The following SCML4 variants were observed in gnomAD, a reference collection of about 807,000 sequenced individuals.
SCML4 encodes the protein sex comb on midleg-like protein 4.
SCML4 carries 34 observed loss-of-function variants against 41.1 expected under a neutral mutation model. The observed-to-expected ratio is 0.83, with a 90% CI of 0.63 to 1.10. The LOEUF (loss-of-function observed/expected upper bound fraction) is 1.10. Ranked by LOEUF, SCML4 falls within the 50% of genes least tolerant of loss-of-function variation. The pLI is 0.00. For missense variants in SCML4, 522 were observed against 534.1 expected (o/e 0.98, Z 0.22); for synonymous variants, 214 against 220.9 (o/e 0.97, Z 0.28).
chr6:107,833,005 A>T, the SCML4 span, among the ~76,000 whole-genome samples: 1 of 152,214 alleles, frequency 6.6e-6, no homozygotes, highest in Non-Finnish European at 1.5e-5. Flanking sequence ...AAAGATTATG[A>T]AAGTGAGTCT....
chr6:107,754,335 GA>G (rs1050361313), intron 2 of SCML4, among the ~76,000 whole-genome samples: 1 of 152,224 alleles, frequency 6.6e-6, no homozygotes, highest in African/African-American at 2.4e-5. Flanking sequence ...ATGGGAATGG[GA>G]GATCATAAAC....
intron 2 of SCML4, among the ~76,000 whole-genome samples, chr6:107,750,732 T>C (rs1442276350): frequency 6.6e-6 from 1 of 152,182 alleles, no homozygotes; most frequent in African/African-American, 2.4e-5. Flanking sequence ...ATTTTTGCAA[T>C]CAACCTTCTA....
intron 1 of SCML4, among the ~76,000 whole-genome samples, chr6:107,814,929 G>C (rs1288317410): frequency 3.3e-5 from 5 of 152,182 alleles, no homozygotes; most frequent in South Asian, 2.1e-4. Flanking sequence ...ACACATGATA[G>C]AAAGGGTCTT....
the SCML4 span, among the ~76,000 whole-genome samples, chr6:107,836,240 T>C: frequency 1.1e-3 from 174 of 152,278 alleles, 1 homozygote; most frequent in Non-Finnish European, 1.6e-3. Flanking sequence ...AAGAGTTCTA[T>C]TGAGTTCTCA....
At chr6:107,783,730 A>C (rs1254866433) in intron 1 of SCML4, among the ~76,000 whole-genome samples, 1 of 151,736 alleles carries the variant, frequency 6.6e-6, no homozygotes, top group Non-Finnish European at 1.5e-5. Flanking sequence ...GCCTGATGGC[A>C]GGTGCTGGTC....
chr6:107,769,921 A>T (rs1037476078), intron 2 of SCML4, among the ~76,000 whole-genome samples: 19 of 152,234 alleles, frequency 1.2e-4, no homozygotes, highest in African/African-American at 4.6e-4. Flanking sequence ...GCATTTTCTT[A>T]GCAATGAAAT....
chr6:107,809,072 A>G (rs1157311349), intron 1 of SCML4, among the ~76,000 whole-genome samples: 1 of 151,050 alleles, frequency 6.6e-6, no homozygotes, highest in Non-Finnish European at 1.5e-5. Context: ...ATGAGAGCAG[A>G]TCCCTTAGTG....
At chr6:107,751,206 G>T (rs1000212740) in intron 2 of SCML4, among the ~76,000 whole-genome samples, 2 of 152,210 alleles carry the variant, frequency 1.3e-5, no homozygotes, top group Non-Finnish European at 2.9e-5. Flanking sequence ...AAAAGCTGAT[G>T]ATGAAAATAA....
intron 1 of SCML4, among the ~76,000 whole-genome samples, chr6:107,793,792 C>A (rs1782516505): frequency 6.6e-6 from 1 of 152,038 alleles, no homozygotes; most frequent in Admixed American, 6.6e-5. Flanking sequence ...ACCAAAAATA[C>A]AAAATAGCTG....
chr6:107,738,437 C>A (rs954809079), intron 5 of SCML4, among the ~76,000 whole-genome samples: 1 of 151,564 alleles, frequency 6.6e-6, no homozygotes, highest in Non-Finnish European at 1.5e-5. Flanking sequence ...GCCTGGGCAA[C>A]ATGTCAAAAT....
rs1476518165 is a variant in SCML4 at position 107,702,539 on chromosome 6, GA to G, written c.*2660del. 6.6e-6 allele frequency among the ~76,000 whole-genome samples: 1 copy of G among 151,810 alleles called. No individual in the cohort carries two copies. Among genetic ancestry groups the G allele is most frequent in the Non-Finnish European group, 1.5e-5 (1 of 67,914 alleles). ...GGTACCACAAGTATCGGAAGATTGA[GA>G]AAAAAAAGAGGAGTGAAAAACCTGG... is the stretch of plus-strand genomic sequence containing the variant. On this transcript the variant is annotated 3_prime_UTR_variant, in exon 8 of 8. Transcript: ENST00000369020.
At chr6:107,843,810 C>T in the SCML4 span, among the ~76,000 whole-genome samples, 11 of 152,140 alleles carry the variant, frequency 7.2e-5, no homozygotes, top group Non-Finnish European at 1.6e-4. Flanking sequence ...TTGCCACACA[C>T]TGGTGTTCAC....
chr6:107,836,522 A>G, the SCML4 span, among the ~76,000 whole-genome samples: 1 of 152,150 alleles, frequency 6.6e-6, no homozygotes. Context: ...TACCAACTCC[A>G]TGGGGCATCC....
the SCML4 span, among the ~76,000 whole-genome samples, chr6:107,832,706 T>G: frequency 6.6e-6 from 1 of 152,078 alleles, no homozygotes; most frequent in Non-Finnish European, 1.5e-5. Context: ...GAAGAGGAAT[T>G]GGTGCTAAAG....
At chr6:107,761,675 G>T (rs2114541220) in intron 2 of SCML4, among the ~76,000 whole-genome samples, 1 of 152,130 alleles carries the variant, frequency 6.6e-6, no homozygotes, top group Non-Finnish European at 1.5e-5. Flanking sequence ...GACCTCAAGT[G>T]ATCTGCCCGC....
chr6:107,707,548 T>A (rs9400135), intron 7 of SCML4, among the ~76,000 whole-genome samples: 18,218 of 152,116 alleles, frequency 0.12, 1,387 homozygotes, highest in East Asian at 0.37. Flanking sequence ...GGCATGTCGT[T>A]GGTGTGCTGT....
At chr6:107,831,412 A>AG in the SCML4 span, among the ~76,000 whole-genome samples, 1 of 2,694 alleles carries the variant, frequency 3.7e-4, no homozygotes, top group Non-Finnish European at 9.0e-4. Flanking sequence ...TTTCATTCTC[A>AG]AAAAAAAAAA....
At chr6:107,709,245 T>C (rs569162823) in intron 6 of SCML4, among the ~76,000 whole-genome samples, 1 of 152,256 alleles carries the variant, frequency 6.6e-6, no homozygotes, top group East Asian at 1.9e-4. Context: ...CTTAATAATA[T>C]TTTTCCTTCT....
chr6:107,813,372 A>ATT (rs1384053126), intron 1 of SCML4, among the ~76,000 whole-genome samples: 11 of 11,220 alleles, frequency 9.8e-4, no homozygotes, highest in Admixed American at 3.4e-3. Flanking sequence ...CAAAAAAATT[A>ATT]TATATATATA....
Sources: allele counts gnomAD v4.1 joint callset (sites outside exome capture counted in the v4.1 genomes callset), GRCh38; gene constraint gnomAD v4.1.1; transcripts MANE v1.5; gene names NCBI Gene and HGNC (gene_info 2026-07-23, HGNC 2026-07-21).